Variants in SV2C observed in about 807,000 individuals in gnomAD.
SV2C encodes synaptic vesicle glycoprotein 2C, also known as solute carrier family 22 member B3.
Under a neutral mutation model 79.7 loss-of-function variants are expected in SV2C, and 49 were observed. The ratio of observed to expected loss-of-function variants is 0.61; its 90% CI spans 0.49 to 0.78. The LOEUF (loss-of-function observed/expected upper bound fraction) is 0.78. Ranked by LOEUF, SV2C falls within the 30% of genes least tolerant of loss-of-function variation. The pLI is 0.00. For missense variants in SV2C, 833 were observed against 912.9 expected, an observed-to-expected ratio of 0.91 and a Z score of 1.13; for synonymous variants, 334 against 333.2, an observed-to-expected ratio of 1.00 and a Z score of -0.03.
chr5:76,115,407 G>A (rs879275854), intron 1 of SV2C, among the ~76,000 whole-genome samples: 13 of 152,174 alleles, frequency 8.5e-5, no homozygotes, highest in African/African-American at 2.2e-4. Flanking sequence ...CTGAGTGAAC[G>A]TGGAGGTGAA....
At chr5:75,956,316 T>C in the SV2C span, among the ~76,000 whole-genome samples, 1 of 144,534 alleles carries the variant, frequency 6.9e-6, no homozygotes, top group Non-Finnish European at 1.5e-5. Flanking sequence ...AAACACTGCA[T>C]ATTCTCACTC....
the SV2C span, among the ~76,000 whole-genome samples, chr5:76,035,433 G>T: frequency 1.3e-5 from 2 of 152,042 alleles, no homozygotes; most frequent in East Asian, 1.9e-4. Context: ...GTGTCCAAGA[G>T]ATTCTGGTAT....
At chr5:76,201,406 C>T (rs1744437535) in intron 3 of SV2C, among the ~76,000 whole-genome samples, 1 of 152,154 alleles carries the variant, frequency 6.6e-6, no homozygotes, top group Admixed American at 6.5e-5. Context: ...GGGCCTGGCA[C>T]TGCTAAGCAG....
intron 10 of SV2C, among the ~76,000 whole-genome samples, chr5:76,300,253 A>G (rs1358922831): frequency 6.6e-6 from 1 of 151,240 alleles, no homozygotes; most frequent in East Asian, 1.9e-4. Context: ...GGCTCAAGCA[A>G]TCCTCCTGCC....
At chr5:75,930,870 G>A in the SV2C span, among the ~76,000 whole-genome samples, 1 of 152,088 alleles carries the variant, frequency 6.6e-6, no homozygotes, top group Non-Finnish European at 1.5e-5. Context: ...TTGGAGGCTC[G>A]TGCCTGTAAT....
chr5:76,042,429 C>T, the SV2C span, among the ~76,000 whole-genome samples: 2 of 152,178 alleles, frequency 1.3e-5, no homozygotes, highest in Non-Finnish European at 2.9e-5. Context: ...TAGTTCAGTA[C>T]CTGACACATC....
intron 4 of SV2C, among the ~76,000 whole-genome samples, chr5:76,233,879 A>G (rs967394541): frequency 2.6e-5 from 4 of 151,996 alleles, no homozygotes; most frequent in South Asian, 2.1e-4. Context: ...AATGTTCATC[A>G]AGGATATTGG....
intron 11 of SV2C, 150 bp from the exon 12 acceptor site, chr5:76,301,236 G>T: frequency 9.9e-7 from 1 of 1,011,990 alleles, no homozygotes; most frequent in Non-Finnish European, 1.4e-6. Context: ...CTTTCATTCA[G>T]GTGAATGCAC....
chr5:76,317,145 C>T (rs566308714), intron 12 of SV2C, among the ~76,000 whole-genome samples: 2 of 152,266 alleles, frequency 1.3e-5, no homozygotes, highest in South Asian at 2.1e-4. Context: ...AATGTGATAG[C>T]TTAGATGGAT....
At chr5:76,314,236 GT>G (rs1748549901) in intron 12 of SV2C, among the ~76,000 whole-genome samples, 1 of 152,196 alleles carries the variant, frequency 6.6e-6, no homozygotes, top group Admixed American at 6.5e-5. Flanking sequence ...CCCGTATGGG[GT>G]CCAGCCTCCC....
the SV2C span, among the ~76,000 whole-genome samples, chr5:76,072,308 C>A: frequency 1.3e-5 from 2 of 152,134 alleles, no homozygotes; most frequent in Non-Finnish European, 1.5e-5. Context: ...GTGTTTAGCA[C>A]CTTTCATATG....
intron 4 of SV2C, among the ~76,000 whole-genome samples, chr5:76,282,808 G>T (rs1272406934): frequency 6.6e-6 from 1 of 152,098 alleles, no homozygotes; most frequent in African/African-American, 2.4e-5. Flanking sequence ...TCAGGAGTTC[G>T]AGACCAGTCT....
the SV2C span, among the ~76,000 whole-genome samples, chr5:75,943,457 C>G: frequency 6.6e-6 from 1 of 152,118 alleles, no homozygotes; most frequent in Admixed American, 6.6e-5. Flanking sequence ...ACAATGTTCT[C>G]TTCTTCAGCT....
chr5:75,974,515 G>T, the SV2C span, among the ~76,000 whole-genome samples: 1 of 151,984 alleles, frequency 6.6e-6, no homozygotes, highest in African/African-American at 2.4e-5. Flanking sequence ...CTGAATAACA[G>T]TCACTACCCA....
At chr5:76,209,196 G>A (rs1744695434) in intron 3 of SV2C, among the ~76,000 whole-genome samples, 1 of 152,070 alleles carries the variant, frequency 6.6e-6, no homozygotes, top group Non-Finnish European at 1.5e-5. Flanking sequence ...ATGACCCCGT[G>A]AGTCATTTCA....
chr5:76,056,505 A>G, the SV2C span, among the ~76,000 whole-genome samples: 1 of 152,136 alleles, frequency 6.6e-6, no homozygotes, highest in Non-Finnish European at 1.5e-5. Context: ...TGCTGGCCTC[A>G]TAAATGAGTT....
At chr5:75,860,636 A>T in the SV2C span, among the ~76,000 whole-genome samples, 1 of 152,226 alleles carries the variant, frequency 6.6e-6, no homozygotes, top group East Asian at 1.9e-4. Context: ...AACCAAAGCA[A>T]TCCTAAGCAA....
the SV2C span, among the ~76,000 whole-genome samples, chr5:76,076,079 C>T: frequency 6.6e-6 from 1 of 152,124 alleles, no homozygotes; most frequent in African/African-American, 2.4e-5. Flanking sequence ...ATGGAATGAG[C>T]ATTAATAGAA....
At chr5:76,226,674 A>G (rs963420853) in intron 4 of SV2C, among the ~76,000 whole-genome samples, 6 of 152,208 alleles carry the variant, frequency 3.9e-5, no homozygotes, top group Non-Finnish European at 7.3e-5. Flanking sequence ...TTGGCAGCTA[A>G]TTCAGGAAGT....
Sources: gnomAD v4.1 joint callset for allele counts (sites outside exome capture counted in the v4.1 genomes callset) on GRCh38, gnomAD v4.1.1 for gene constraint, MANE v1.5 for transcripts, NCBI Gene and HGNC (gene_info 2026-07-23, HGNC 2026-07-21) for gene names.